The following WDR27 variants were observed in gnomAD, a reference collection of about 807,000 sequenced individuals.
The protein encoded by WDR27 is WD repeat-containing protein 27.
A neutral mutation model predicts 114.4 loss-of-function variants in WDR27; 100 were observed. The ratio of observed to expected loss-of-function variants is 0.87; its 90% CI spans 0.74 to 1.03. WDR27 has a LOEUF of 1.03. Ranked by LOEUF, WDR27 falls within the 50% of genes least tolerant of loss-of-function variation. The pLI, the probability that WDR27 is intolerant of heterozygous loss-of-function variation, is 0.00. For missense variants in WDR27, 1,129 were observed against 1,092.9 expected, an observed-to-expected ratio of 1.03 and a Z score of -0.47; for synonymous variants, 449 against 423.1, an observed-to-expected ratio of 1.06 and a Z score of -0.75.
At chr6:169,667,859 A>G in intron 5 of WDR27, 123 bp downstream of exon 5, 1 of 957,946 alleles carries the variant, frequency 1.0e-6, no homozygotes, top group East Asian at 2.7e-5. Context: ...GCCTTGCAGA[A>G]GTGAGGTAGA....
intron 25 of WDR27, among the ~76,000 whole-genome samples, chr6:169,523,762 C>G (rs1221913154): frequency 6.6e-6 from 1 of 151,956 alleles, no homozygotes; most frequent in South Asian, 2.1e-4. Flanking sequence ...AAAAAACCCT[C>G]AACAAACTAG....
At chr6:169,570,397 AG>A (rs1801186182) in intron 25 of WDR27, among the ~76,000 whole-genome samples, 1 of 152,202 alleles carries the variant, frequency 6.6e-6, no homozygotes, top group South Asian at 2.1e-4. Context: ...GTGAAGTGTG[AG>A]GGGCTATCTT....
chr6:169,469,568 C>T (rs1786066444), intron 25 of WDR27, among the ~76,000 whole-genome samples: 1 of 152,238 alleles, frequency 6.6e-6, no homozygotes, highest in Non-Finnish European at 1.5e-5. Flanking sequence ...AAGCTGTACC[C>T]TGTGAAACCA....
intron 25 of WDR27, among the ~76,000 whole-genome samples, chr6:169,477,064 A>G (rs1204885077): frequency 6.6e-6 from 1 of 152,228 alleles, no homozygotes; most frequent in Non-Finnish European, 1.5e-5. Context: ...CTAAATAGTA[A>G]CAAAACCAAA....
chr6:169,662,310 C>T lies in WDR27; in HGVS notation c.1019G>A (p.Cys340Tyr), dbSNP rs1376420860. The change falls in exon 9 of 26, where the codon TGT becomes TAT. Residue 340 changes from cysteine (C) to tyrosine (Y), a missense_variant. Cys to Tyr is a radical substitution (Grantham distance 194, BLOSUM62 -2). Coordinates refer to ENST00000448612, the MANE Select transcript of WDR27 (RefSeq NM_182552.5). Reference protein sequence around the residue: ...CDLSLIPNSACGCLSSENTRC... With the variant: ...CDLSLIPNSAYGCLSSENTRC... ...CAAAGTTTTTGATACTTACCATCCA[C>T]ATGCAGAATTTGGGATGAGTGAGAG... 1.2e-6 allele frequency: 2 copies of T among 1,613,678 alleles called. No homozygotes were observed. Among genetic ancestry groups the T allele is most frequent in the Admixed American group, 1.7e-5 (1 of 60,026 alleles).
At chr6:169,432,635 A>C in the WDR27 span, among the ~76,000 whole-genome samples, 2 of 152,200 alleles carry the variant, frequency 1.3e-5, no homozygotes, top group African/African-American at 4.8e-5. Context: ...CATGAGCATG[A>C]GGCCTCCCCA....
At chr6:169,477,090 T>G (rs1258155803) in intron 25 of WDR27, among the ~76,000 whole-genome samples, 1 of 152,250 alleles carries the variant, frequency 6.6e-6, no homozygotes, top group Non-Finnish European at 1.5e-5. Flanking sequence ...CTTCAGGATC[T>G]ACTGAGATAA....
At chr6:169,576,721 T>C (rs969199616) in intron 24 of WDR27, among the ~76,000 whole-genome samples, 12 of 151,006 alleles carry the variant, frequency 7.9e-5, no homozygotes, top group African/African-American at 2.9e-4. Context: ...GAGCTGTGAT[T>C]GCATCACTGT....
At chr6:169,446,696 C>T in the WDR27 span, among the ~76,000 whole-genome samples, 3 of 152,176 alleles carry the variant, frequency 2.0e-5, no homozygotes. Flanking sequence ...AAAATTTTAG[C>T]TTGTTCTTAC....
chr6:169,540,929 T>A (rs1796763755), intron 25 of WDR27, among the ~76,000 whole-genome samples: 1 of 152,174 alleles, frequency 6.6e-6, no homozygotes, highest in Admixed American at 6.5e-5. Flanking sequence ...GTGTATCTGC[T>A]CAAGTAAACT....
chr6:169,654,981 G>C (rs1023444783), intron 13 of WDR27, among the ~76,000 whole-genome samples: 1 of 152,224 alleles, frequency 6.6e-6, no homozygotes, highest in African/African-American at 2.4e-5. Context: ...CCCCAACACA[G>C]CCTCGTTGTC....
At chr6:169,467,691 G>C (rs543943967) in intron 25 of WDR27, among the ~76,000 whole-genome samples, 1 of 152,332 alleles carries the variant, frequency 6.6e-6, no homozygotes, top group South Asian at 2.1e-4. Flanking sequence ...CTAGGCCCTT[G>C]GGCCTGTGAT....
At chr6:169,595,902 C>T (rs901708604) in intron 23 of WDR27, among the ~76,000 whole-genome samples, 1 of 151,234 alleles carries the variant, frequency 6.6e-6, no homozygotes, top group Admixed American at 6.6e-5. Flanking sequence ...AAATTCTTGA[C>T]TCAGATTCTC....
At position 169,497,255 on chromosome 6, in the gene WDR27, T is replaced by C. The variant is rs994434782; in HGVS notation, c.2646-39621A>G. On this transcript the variant is annotated intron_variant, in intron 25 of 25. Transcript: ENST00000448612. ...GAAGTTGGAACTTTACCTAAAACCA[T>C]GTACAAAAACTAACAAAGTGCGCCA... Among the ~76,000 whole-genome samples, 15 of 151,974 alleles carry C rather than the reference T, an allele frequency of 9.9e-5. 1 individual carries two copies. Among genetic ancestry groups the C allele is most frequent in the Admixed American group, 9.8e-4 (15 of 15,250 alleles).
At chr6:169,469,805 G>A (rs945662028) in intron 25 of WDR27, among the ~76,000 whole-genome samples, 21 of 152,062 alleles carry the variant, frequency 1.4e-4, no homozygotes, top group Admixed American at 2.6e-4. Context: ...GTTTCCACTG[G>A]TATAATCCCA....
At chr6:169,606,147 A>T (rs1429889902) in intron 22 of WDR27, among the ~76,000 whole-genome samples, 1 of 152,210 alleles carries the variant, frequency 6.6e-6, no homozygotes, top group Non-Finnish European at 1.5e-5. Flanking sequence ...AGCAAAAGAA[A>T]TAATCAACAG....
At chr6:169,617,625 C>T (rs1441920263) in intron 21 of WDR27, among the ~76,000 whole-genome samples, 4 of 152,198 alleles carry the variant, frequency 2.6e-5, no homozygotes, top group African/African-American at 7.2e-5. Flanking sequence ...ATCCACCCAC[C>T]TCTGCCTCCC....
chr6:169,462,490 G>GAGAGAGAGAGAGAGAAAGAAAGAA (rs555265160), intron 25 of WDR27, among the ~76,000 whole-genome samples: 32 of 149,958 alleles, frequency 2.1e-4, no homozygotes, highest in African/African-American at 8.1e-4. Flanking sequence ...GAGAGAGAGA[G>GAGAGAGAGAGAGAGAAAGAAAGAA]AGAAAGAAAG....
chr6:169,658,398 C>T (rs745827352), intron 12 of WDR27, 40 bp from the exon 13 acceptor site: 42 of 1,473,360 alleles, frequency 2.9e-5, no homozygotes, highest in Non-Finnish European at 3.4e-5. Context: ...GGAGCGCAAA[C>T]GACGATACGA....
Sources: allele counts gnomAD v4.1 joint callset (sites outside exome capture counted in the v4.1 genomes callset), GRCh38; gene constraint gnomAD v4.1.1; transcripts MANE v1.5; gene names NCBI Gene and HGNC (gene_info 2026-07-23, HGNC 2026-07-21).